LRTM3: variants seen among roughly 807,000 people sequenced by gnomAD.
The protein encoded by LRTM3 is leucine rich repeat transmembrane protein 3.
chr13:102,743,786 G>A, the LRTM3 span: 14 of 1,550,074 alleles, frequency 9.0e-6, no homozygotes, highest in South Asian at 3.6e-5. Flanking sequence ...TGAAATTGAC[G>A]ACTTCTTTTC....
the LRTM3 span, chr13:102,739,154 T>C: frequency 6.5e-7 from 1 of 1,550,032 alleles, no homozygotes; most frequent in Non-Finnish European, 8.7e-7. Flanking sequence ...CTGAACTACA[T>C]TTAGATTACT....
chr13:102,757,093 C>T, the LRTM3 span, among the ~76,000 whole-genome samples: 1 of 152,178 alleles, frequency 6.6e-6, no homozygotes, highest in African/African-American at 2.4e-5. Context: ...ATCTCAAATG[C>T]TGAATCTTGG....
the LRTM3 span, chr13:102,729,785 C>A: frequency 2.6e-6 from 4 of 1,551,848 alleles, no homozygotes; most frequent in Non-Finnish European, 3.5e-6. Flanking sequence ...CTTTCTGTCA[C>A]GTTTCCCTTT....
the LRTM3 span, among the ~76,000 whole-genome samples, chr13:102,758,143 G>A: frequency 1.3e-5 from 2 of 152,096 alleles, no homozygotes; most frequent in African/African-American, 4.8e-5. Context: ...AGTTAGAGTA[G>A]GAAAGCAAGT....
At chr13:102,734,127 C>A in the LRTM3 span, 9 of 1,551,414 alleles carry the variant, frequency 5.8e-6, no homozygotes, top group Non-Finnish European at 7.8e-6. Context: ...AATTCCTTTG[C>A]ATTAAGGATA....
At chr13:102,729,431 G>A in the LRTM3 span, 1 of 1,433,702 alleles carries the variant, frequency 7.0e-7, no homozygotes, top group Non-Finnish European at 9.2e-7. Flanking sequence ...CCACTTCAGA[G>A]GAGTTTAGCT....
chr13:102,749,193 A>C, the LRTM3 span: 1 of 1,550,576 alleles, frequency 6.4e-7, no homozygotes, highest in Non-Finnish European at 8.7e-7. Flanking sequence ...AATACTTGTG[A>C]AGTTGGTGTT....
the LRTM3 span, chr13:102,729,809 C>G: frequency 1.9e-6 from 3 of 1,551,774 alleles, no homozygotes; most frequent in Non-Finnish European, 2.6e-6. Flanking sequence ...GTGTGTACAA[C>G]TGTAATCGTG....
At chr13:102,750,235 A>G in the LRTM3 span, 3 of 1,551,434 alleles carry the variant, frequency 1.9e-6, no homozygotes, top group South Asian at 2.4e-5. Context: ...AAGATGGCAC[A>G]TGACTTTCAC....
the LRTM3 span, chr13:102,733,064 A>G: frequency 6.4e-7 from 1 of 1,551,350 alleles, no homozygotes; most frequent in Non-Finnish European, 8.7e-7. Flanking sequence ...CTGTAGGCTG[A>G]GGTGCGCTGT....
At chr13:102,746,114 CTA>C in the LRTM3 span, 1 of 1,551,118 alleles carries the variant, frequency 6.4e-7, no homozygotes, top group South Asian at 1.2e-5. Flanking sequence ...CATTTGGAGA[CTA>C]GTCTCTAAAG....
At chr13:102,736,720 G>C in the LRTM3 span, 1 of 1,550,404 alleles carries the variant, frequency 6.4e-7, no homozygotes, top group Non-Finnish European at 8.7e-7. Context: ...TATGGGAAAG[G>C]GGTGATTTCT....
At chr13:102,746,459 G>C in the LRTM3 span, 3 of 1,550,980 alleles carry the variant, frequency 1.9e-6, no homozygotes, top group East Asian at 7.3e-5. Flanking sequence ...AGAGCAAAGG[G>C]TATTTAGACA....
At chr13:102,748,739 T>A in the LRTM3 span, 7 of 1,549,690 alleles carry the variant, frequency 4.5e-6, no homozygotes, top group African/African-American at 1.4e-5. Flanking sequence ...TTTAAGAGAT[T>A]CTTTACTCTT....
At chr13:102,740,959 T>A in the LRTM3 span, 1 of 1,550,218 alleles carries the variant, frequency 6.5e-7, no homozygotes, top group Non-Finnish European at 8.7e-7. Context: ...TCAAATGTAT[T>A]CCTTCTGAAC....
At chr13:102,733,545 T>G in the LRTM3 span, 3 of 1,551,146 alleles carry the variant, frequency 1.9e-6, no homozygotes, top group Non-Finnish European at 2.6e-6. Flanking sequence ...AAGTTATCCA[T>G]TATTTCAGTG....
chr13:102,752,054 C>T, the LRTM3 span, among the ~76,000 whole-genome samples: 18 of 152,242 alleles, frequency 1.2e-4, 1 homozygote, highest in South Asian at 2.9e-3. Flanking sequence ...CCCTCCCTTT[C>T]GCCTTCAACA....
the LRTM3 span, chr13:102,731,501 G>A: frequency 1.9e-5 from 30 of 1,551,340 alleles, no homozygotes; most frequent in African/African-American, 2.6e-4. Flanking sequence ...TTTGTGCTGC[G>A]TTTTGGGATA....
the LRTM3 span, chr13:102,748,593 C>A: frequency 1.9e-6 from 3 of 1,550,812 alleles, no homozygotes; most frequent in Non-Finnish European, 2.6e-6. Flanking sequence ...GGAGAGGAAA[C>A]AAGTTTCTGC....
Sources: allele counts gnomAD v4.1 joint callset (sites outside exome capture counted in the v4.1 genomes callset), GRCh38; gene constraint gnomAD v4.1.1; transcripts MANE v1.5; gene names NCBI Gene and HGNC (gene_info 2026-07-23, HGNC 2026-07-21).